Variants in GFRAL observed in about 807,000 individuals in gnomAD.
The protein encoded by GFRAL is GDNF family receptor alpha like.
A neutral mutation model predicts 45.4 loss-of-function variants in GFRAL; 36 were observed. The ratio of observed to expected loss-of-function variants is 0.79; its 90% CI spans 0.61 to 1.05. The LOEUF is 1.05. Among genes scored for constraint, GFRAL ranks in the 50% least tolerant of loss-of-function variants. The pLI is 0.00. For missense variants in GFRAL, 507 were observed against 467.5 expected (o/e 1.08, Z -0.78); for synonymous variants, 166 against 154.1 (o/e 1.08, Z -0.57).
chr6:55,331,879 T>C, intron 2 of GFRAL, 30 bp downstream of exon 2: 1 of 1,580,924 alleles, frequency 6.3e-7, no homozygotes. Flanking sequence ...TACACTCAAA[T>C]GATTTATTTT....
intron 6 of GFRAL, among the ~76,000 whole-genome samples, chr6:55,378,085 T>G (rs1350230082): frequency 6.6e-6 from 1 of 152,010 alleles, no homozygotes; most frequent in Non-Finnish European, 1.5e-5. Context: ...TAGCCTTGAT[T>G]CCCTCAAACT....
intron 3 of GFRAL, among the ~76,000 whole-genome samples, chr6:55,347,166 T>C (rs1768054980): frequency 6.6e-6 from 1 of 152,112 alleles, no homozygotes; most frequent in South Asian, 2.1e-4. Context: ...AAAGAGTCTA[T>C]GAATCCAGGA....
intron 3 of GFRAL, among the ~76,000 whole-genome samples, chr6:55,338,355 G>T (rs988849851): frequency 6.6e-6 from 1 of 152,118 alleles, no homozygotes; most frequent in Non-Finnish European, 1.5e-5. Flanking sequence ...CTTCCAAAGT[G>T]CTGGGATAAC....
intron 3 of GFRAL, among the ~76,000 whole-genome samples, chr6:55,337,715 C>T (rs957591203): frequency 6.6e-6 from 1 of 152,080 alleles, no homozygotes; most frequent in African/African-American, 2.4e-5. Flanking sequence ...TTTCTATCTC[C>T]CTACAAAATT....
intron 8 of GFRAL, among the ~76,000 whole-genome samples, chr6:55,401,250 G>T (rs766140512): frequency 1.1e-4 from 16 of 151,816 alleles, no homozygotes; most frequent in Non-Finnish European, 1.9e-4. Context: ...ATGTGTAATC[G>T]GAAAACTCCA....
intron 6 of GFRAL, among the ~76,000 whole-genome samples, chr6:55,371,578 A>T (rs1447739176): frequency 6.6e-6 from 1 of 152,194 alleles, no homozygotes; most frequent in Non-Finnish European, 1.5e-5. Context: ...CATTTGTCAC[A>T]AGTTTTTTGT....
At position 55,381,103 on chromosome 6, in the gene GFRAL, A is replaced by T. The variant is rs545565097; in HGVS notation, c.953-18077A>T. On this transcript the variant is annotated intron_variant, in intron 6 of 8. Transcript: ENST00000340465. ...CAGTTGATCCTTCAGTGGTGTCATC[A>T]TTGCAAATAAGCAATTGATCCTAAC... 3.3e-5 allele frequency among the ~76,000 whole-genome samples: 5 copies of T among 152,056 alleles called. No homozygotes were observed. The East Asian group carries it at 9.7e-4, about 29-fold the overall frequency.
At chr6:55,373,558 C>T (rs1240271473) in intron 6 of GFRAL, among the ~76,000 whole-genome samples, 1 of 152,074 alleles carries the variant, frequency 6.6e-6, no homozygotes, top group Admixed American at 6.6e-5. Context: ...CCAAGTTTGC[C>T]TTATTTCTTT....
rs562118826 is a variant in GFRAL, at chr6:55,364,265, G to A, written c.952+5127G>A. The stretch of plus-strand genomic sequence containing the variant: ...TGAGAAGTGTCTGTTCATGTCCTTC[G>A]CCCACTTTTTGTTGGGATTGTTTGT... On this transcript the variant is annotated intron_variant, in intron 6 of 8. Coordinates refer to ENST00000340465, the MANE Select transcript of GFRAL (RefSeq NM_207410.2). Among the ~76,000 whole-genome samples, 790 of 151,274 alleles carry A rather than the reference G, an allele frequency of 5.2e-3. 9 individuals carry two copies. Among genetic ancestry groups the A allele is most frequent in the African/African-American group, 0.016 (650 of 41,020 alleles).
chr6:55,335,441 T>A (rs574651776), intron 3 of GFRAL, among the ~76,000 whole-genome samples: 1 of 152,296 alleles, frequency 6.6e-6, no homozygotes, highest in African/African-American at 2.4e-5. Context: ...AACAGAATTT[T>A]AAAAATTTTG....
At chr6:55,367,734 G>A (rs1768385116) in intron 6 of GFRAL, among the ~76,000 whole-genome samples, 2 of 150,960 alleles carry the variant, frequency 1.3e-5, no homozygotes, top group African/African-American at 4.9e-5. Flanking sequence ...ATTCTGGGTT[G>A]AAAATTCTTT....
At chr6:55,333,751 A>G (rs748137557) in intron 2 of GFRAL, 35 bp from the exon 3 acceptor site, 11 of 1,418,276 alleles carry the variant, frequency 7.8e-6, no homozygotes, top group African/African-American at 5.8e-5. Flanking sequence ...TTATAATCAG[A>G]TTAATATCTA....
At chr6:55,347,890 A>T (rs1768064456) in intron 3 of GFRAL, among the ~76,000 whole-genome samples, 1 of 152,170 alleles carries the variant, frequency 6.6e-6, no homozygotes, top group African/African-American at 2.4e-5. Context: ...GTTGCATTTA[A>T]TTCAACTAGT....
intron 6 of GFRAL, among the ~76,000 whole-genome samples, chr6:55,388,258 A>G (rs1157215210): frequency 3.3e-5 from 5 of 152,216 alleles, no homozygotes. Flanking sequence ...AAAGGAGGCC[A>G]GAGTCCACTA....
rs999802166 is a variant in GFRAL, at chr6:55,401,784, A to G, written c.1122-6A>G. ...TGTTGTTAACTTTTACTTTTATTTT[A>G]TACAGAACTTCCAGAATATCAAGTA... On this transcript the variant is annotated splice_polypyrimidine_tract_variant and splice_region_variant and intron_variant, in intron 8 of 8. Transcript: ENST00000340465. The G allele has an allele frequency of 2.8e-5, 41 of 1,452,156 alleles. No homozygotes were observed. The Admixed American group carries it at 4.4e-4, about 15-fold the overall frequency. 90.0% of individuals were successfully genotyped at this position (1,452,156 alleles called of 1,614,324 possible).
rs1304263022 is a variant in GFRAL at position 55,401,808 on chromosome 6, T to C, written c.1140T>C (p.Ser380=). ...MVKLRTSRIS[S]KARDPSSIQI... is the part of the protein sequence containing the mutation. ...TATACAGAACTTCCAGAATATCAAGTAAAGCAAGAGATCCTTCATCGATCC... is the reference window on the plus strand; with the variant it reads ...TATACAGAACTTCCAGAATATCAAGCAAAGCAAGAGATCCTTCATCGATCC... The change falls in exon 9 of 9, where the codon AGT becomes AGC. Residue 380 remains serine, a synonymous_variant. Transcript: ENST00000340465. 1.9e-6 allele frequency: 3 copies of C among 1,540,790 alleles called. No homozygotes were observed.
chr6:55,398,634 G>C lies in GFRAL; in HGVS notation c.953-546G>C, dbSNP rs181318283. Among the ~76,000 whole-genome samples the C allele has an allele frequency of 5.9e-5, 9 of 152,266 alleles. No homozygotes were observed. In the East Asian group the frequency reaches 1.2e-3, roughly 20 times the overall value. On this transcript the variant is annotated intron_variant, in intron 6 of 8. Transcript: ENST00000340465. ...CTAAAATTGTGAGCTATTGGAAACT[G>C]GTGGGAATGTATTTCTCAGAAACAT... is the stretch of plus-strand genomic sequence containing the variant.
intron 6 of GFRAL, among the ~76,000 whole-genome samples, chr6:55,390,764 T>G (rs1768738808): frequency 6.6e-6 from 1 of 152,042 alleles, no homozygotes; most frequent in Non-Finnish European, 1.5e-5. Flanking sequence ...GGCGAGCGCC[T>G]GTAATCCCAG....
At chr6:55,378,098 C>T (rs1408280848) in intron 6 of GFRAL, among the ~76,000 whole-genome samples, 1 of 152,056 alleles carries the variant, frequency 6.6e-6, no homozygotes, top group Non-Finnish European at 1.5e-5. Flanking sequence ...CTCAAACTCG[C>T]ATACAGTGTA....
Sources: gnomAD v4.1 joint callset for allele counts (sites outside exome capture counted in the v4.1 genomes callset) on GRCh38, gnomAD v4.1.1 for gene constraint, MANE v1.5 for transcripts, NCBI Gene and HGNC (gene_info 2026-07-23, HGNC 2026-07-21) for gene names.